The following STK32B variants were observed in gnomAD, a reference collection of about 807,000 sequenced individuals.
STK32B encodes the protein serine/threonine-protein kinase 32B.
In STK32B, 43 loss-of-function variants were observed where a neutral mutation model predicts 52.6. The ratio of observed to expected loss-of-function variants is 0.82; its 90% CI spans 0.64 to 1.05. The LOEUF is 1.05. Among genes scored for constraint, STK32B ranks in the 50% least tolerant of loss-of-function variants. The pLI, the probability that STK32B is intolerant of heterozygous loss-of-function variation, is 0.00. For synonymous variants in STK32B, 238 were observed against 204.3 expected (o/e 1.17, Z -1.41); for missense variants, 621 against 534.6 (o/e 1.16, Z -1.59).
At chr4:5,439,377 GT>G (rs1316006506) in intron 6 of STK32B, among the ~76,000 whole-genome samples, 3 of 151,782 alleles carry the variant, frequency 2.0e-5, no homozygotes, top group Non-Finnish European at 2.9e-5. Flanking sequence ...TTTTTCATGT[GT>G]TTTTTGGCTG....
chr4:5,233,387 T>C (rs575751547), intron 3 of STK32B, among the ~76,000 whole-genome samples: 13 of 152,168 alleles, frequency 8.5e-5, no homozygotes, highest in Admixed American at 6.5e-4. Context: ...ACAGTTGACA[T>C]GATGAACCAA....
At chr4:5,424,530 A>G (rs1712920436) in intron 6 of STK32B, among the ~76,000 whole-genome samples, 1 of 152,190 alleles carries the variant, frequency 6.6e-6, no homozygotes, top group African/African-American at 2.4e-5. Context: ...TGTTGGGAAA[A>G]CCTGCCTGCG....
At chr4:5,076,066 G>C (rs1712053141) in intron 1 of STK32B, among the ~76,000 whole-genome samples, 1 of 152,150 alleles carries the variant, frequency 6.6e-6, no homozygotes, top group South Asian at 2.1e-4. Flanking sequence ...GTGCTAAGAG[G>C]ATAAGCCCAG....
intron 1 of STK32B, among the ~76,000 whole-genome samples, chr4:5,133,759 C>A (rs556500379): frequency 6.6e-6 from 1 of 152,290 alleles, no homozygotes; most frequent in South Asian, 2.1e-4. Context: ...AGGCCCATGG[C>A]TGGACCAGGG....
the STK32B span, among the ~76,000 whole-genome samples, chr4:5,029,207 T>C: frequency 2.0e-5 from 3 of 151,862 alleles, no homozygotes; most frequent in East Asian, 1.9e-4. Context: ...CTCCACTGAG[T>C]TGGGGGTAGG....
intron 11 of STK32B, among the ~76,000 whole-genome samples, chr4:5,490,020 T>A (rs182507649): frequency 6.6e-6 from 1 of 152,266 alleles, no homozygotes; most frequent in Non-Finnish European, 1.5e-5. Flanking sequence ...ACAAACTCAC[T>A]GGTTTACAAT....
chr4:5,032,610 A>T, the STK32B span, among the ~76,000 whole-genome samples: 6 of 151,938 alleles, frequency 3.9e-5, no homozygotes, highest in Admixed American at 3.3e-4. Flanking sequence ...ATTTTCCCCC[A>T]TACCTATGAA....
chr4:5,343,937 T>C (rs946673533), intron 4 of STK32B, among the ~76,000 whole-genome samples: 3 of 152,218 alleles, frequency 2.0e-5, no homozygotes, highest in African/African-American at 7.2e-5. Context: ...CTCCGTTATG[T>C]AGTCATGATT....
chr4:5,381,496 A>G (rs1366673809), intron 4 of STK32B, among the ~76,000 whole-genome samples: 1 of 152,142 alleles, frequency 6.6e-6, no homozygotes, highest in Non-Finnish European at 1.5e-5. Flanking sequence ...GGGGCTTTCG[A>G]TTGAATGAGA....
intron 3 of STK32B, among the ~76,000 whole-genome samples, chr4:5,315,131 A>G (rs1318200330): frequency 6.6e-6 from 1 of 152,154 alleles, no homozygotes; most frequent in Non-Finnish European, 1.5e-5. Context: ...TCAACAGTAA[A>G]TTTTTTTAAT....
intron 11 of STK32B, among the ~76,000 whole-genome samples, chr4:5,495,373 CCTGAGGCTT>C (rs1325954441): frequency 6.6e-6 from 1 of 152,168 alleles, no homozygotes; most frequent in Non-Finnish European, 1.5e-5. Flanking sequence ...CTCATTGGCT[CCTGAGGCTT>C]CTGCATTCTT....
intron 3 of STK32B, among the ~76,000 whole-genome samples, chr4:5,173,466 C>G (rs1179015742): frequency 6.6e-6 from 1 of 152,054 alleles, no homozygotes; most frequent in Non-Finnish European, 1.5e-5. Context: ...CCTCTACACA[C>G]TGCTTTGAAT....
chr4:5,448,780 G>A (rs937481767), intron 7 of STK32B, among the ~76,000 whole-genome samples: 7 of 152,270 alleles, frequency 4.6e-5, no homozygotes, highest in Middle Eastern at 3.4e-3. Context: ...CACCTGTTAC[G>A]TACTACTGTA....
At chr4:5,448,965 C>G (rs968020337) in intron 7 of STK32B, among the ~76,000 whole-genome samples, 1 of 152,132 alleles carries the variant, frequency 6.6e-6, no homozygotes, top group East Asian at 1.9e-4. Context: ...AGTTATCCCC[C>G]CTCTTGGAAT....
At chr4:5,305,918 G>C (rs1729898588) in intron 3 of STK32B, among the ~76,000 whole-genome samples, 3 of 151,986 alleles carry the variant, frequency 2.0e-5, no homozygotes, top group Admixed American at 6.6e-5. Context: ...TTATTGTTCA[G>C]TTCAAATAAT....
intron 6 of STK32B, among the ~76,000 whole-genome samples, chr4:5,431,155 G>C (rs1713540626): frequency 6.6e-6 from 1 of 152,220 alleles, no homozygotes. Context: ...TGAGGCAAAA[G>C]AAGCTTGGCC....
intron 3 of STK32B, among the ~76,000 whole-genome samples, chr4:5,182,495 A>T (rs759285660): frequency 1.1e-4 from 16 of 151,072 alleles, no homozygotes; most frequent in Non-Finnish European, 1.8e-4. Flanking sequence ...AGAGTCTCGC[A>T]CTGTTGCCCA....
upstream of STK32B, among the ~76,000 whole-genome samples, chr4:5,049,868 T>G (rs1741694937): frequency 6.6e-6 from 1 of 152,198 alleles, no homozygotes; most frequent in African/African-American, 2.4e-5. Flanking sequence ...ATTACAGGTG[T>G]GAGCCCCCAC....
chr4:5,320,418 A>C (rs923683735), intron 3 of STK32B, among the ~76,000 whole-genome samples: 1 of 152,168 alleles, frequency 6.6e-6, no homozygotes, highest in African/African-American at 2.4e-5. Flanking sequence ...CCATAGTCAA[A>C]ATGGTAAGCA....
Sources: gnomAD v4.1 joint callset for allele counts (sites outside exome capture counted in the v4.1 genomes callset) on GRCh38, gnomAD v4.1.1 for gene constraint, MANE v1.5 for transcripts, NCBI Gene and HGNC (gene_info 2026-07-23, HGNC 2026-07-21) for gene names.